The following UBE2J1 variants were observed in gnomAD, a reference collection of about 807,000 sequenced individuals.
The protein encoded by UBE2J1 is ubiquitin-conjugating enzyme E2 J1.
UBE2J1 carries 17 observed loss-of-function variants against 42.1 expected under a neutral mutation model. That is an observed-to-expected ratio of 0.40 (90% CI 0.28 to 0.61). The LOEUF (loss-of-function observed/expected upper bound fraction) is 0.61. UBE2J1 is among the 20% of genes least tolerant of loss of function. The probability of loss-of-function intolerance (pLI) is 0.38; values close to 1 mark genes in which losing one functional copy is unlikely to be tolerated. For missense variants in UBE2J1, 291 were observed against 389.4 expected (o/e 0.75, Z 2.13); for synonymous variants, 127 against 137.2 (o/e 0.93, Z 0.52).
At chr6:89,334,246 G>A (rs965502130) in intron 6 of UBE2J1, among the ~76,000 whole-genome samples, 23 of 151,980 alleles carry the variant, frequency 1.5e-4, no homozygotes, top group Admixed American at 6.6e-4. Context: ...CTCGTGATCT[G>A]CCTGTCTCGG....
chr6:89,341,525 C>T (rs1039380611), intron 3 of UBE2J1, among the ~76,000 whole-genome samples: 7 of 152,074 alleles, frequency 4.6e-5, no homozygotes, highest in African/African-American at 1.7e-4. Context: ...CTGCCTGAGG[C>T]CAGTAGTTCA....
At position 89,352,651 on chromosome 6, in the gene UBE2J1, C is replaced by A. The variant is rs905066374; in HGVS notation, c.-82G>T. The A allele has an allele frequency of 2.1e-6, 3 of 1,439,114 alleles. No homozygotes were observed. Among genetic ancestry groups the A allele is most frequent in the Non-Finnish European group, 2.7e-6 (3 of 1,091,650 alleles). The allele number at this position is 1,439,114 out of a possible 1,614,324, so 89.1% of individuals were successfully genotyped here. A position where few individuals can be genotyped will look rare whatever the true frequency, so the allele number is the denominator to read the frequency against. On this transcript the variant is annotated 5_prime_UTR_variant, in exon 1 of 8. Transcript: ENST00000435041. ...GGCCGCTGCCCGGGTCTCAGCGCGG[C>A]TCGGGCGGACGGGGCCTGGCCGAGG...
chr6:89,338,900 T>C (rs192245095), intron 3 of UBE2J1, among the ~76,000 whole-genome samples: 8,417 of 151,924 alleles, frequency 0.055, 277 homozygotes, highest in Middle Eastern at 0.12. Context: ...ATCCTGACCT[T>C]GTGATCTGCC....
rs1344872455 is a variant in UBE2J1, at chr6:89,327,173, A to T, written c.*2506T>A. ...GAAAAGTTTATTGGCTTAAACAGTT[A>T]CAGGTGAAACAGATTACGTATTTTT... is the stretch of plus-strand genomic sequence containing the variant. On this transcript the variant is annotated 3_prime_UTR_variant, in exon 8 of 8. Transcript: ENST00000435041. 1 of 145,830 alleles carries T rather than the reference A, an allele frequency of 6.9e-6. No individual in the cohort carries two copies. Among genetic ancestry groups the T allele is most frequent in the African/African-American group, 2.7e-5 (1 of 37,200 alleles). 9.0% of individuals were successfully genotyped at this position (145,830 alleles called of 1,614,324 possible).
intron 7 of UBE2J1, among the ~76,000 whole-genome samples, chr6:89,332,249 CA>C (rs1250815885): frequency 2.6e-5 from 4 of 152,124 alleles, no homozygotes; most frequent in African/African-American, 9.7e-5. Context: ...AATCTGTTAC[CA>C]AAAAGACTTC....
intron 1 of UBE2J1, among the ~76,000 whole-genome samples, chr6:89,351,227 C>A (rs541378926): frequency 6.6e-6 from 1 of 151,588 alleles, no homozygotes; most frequent in South Asian, 2.1e-4. Flanking sequence ...TACAGGAGTG[C>A]GCCACCACCA....
chr6:89,351,243 G>A (rs559871448), intron 1 of UBE2J1, among the ~76,000 whole-genome samples: 5 of 151,456 alleles, frequency 3.3e-5, no homozygotes, highest in Admixed American at 6.6e-5. Context: ...CACCATGCCC[G>A]GCTGATTTTT....
chr6:89,350,832 T>C (rs16881724), intron 1 of UBE2J1, among the ~76,000 whole-genome samples: 4,080 of 152,178 alleles, frequency 0.027, 212 homozygotes, highest in East Asian at 0.22. Context: ...AGTTCTCCAT[T>C]CTAAACTGCA....
intron 7 of UBE2J1, among the ~76,000 whole-genome samples, chr6:89,332,815 A>G (rs529461526): frequency 6.6e-6 from 1 of 152,350 alleles, no homozygotes; most frequent in African/African-American, 2.4e-5. Context: ...CTAACACTAT[A>G]TTAAAATTAA....
intron 1 of UBE2J1, among the ~76,000 whole-genome samples, chr6:89,349,080 T>A (rs1306048547): frequency 1.3e-5 from 2 of 152,044 alleles, no homozygotes; most frequent in African/African-American, 4.8e-5. Context: ...CTACAAAAAA[T>A]ACACAAATTA....
At chr6:89,333,614 A>C (rs1366967075) in intron 6 of UBE2J1, among the ~76,000 whole-genome samples, 1 of 152,218 alleles carries the variant, frequency 6.6e-6, no homozygotes, top group Non-Finnish European at 1.5e-5. Flanking sequence ...TTTGCTGAAG[A>C]AATCCTAATG....
At chr6:89,342,504 G>A in intron 2 of UBE2J1, 49 bp from the exon 3 acceptor site, 1 of 1,506,072 alleles carries the variant, frequency 6.6e-7, no homozygotes, top group Non-Finnish European at 8.9e-7. Context: ...TGAAAAGTTT[G>A]ATCATTTTAT....
At chr6:89,333,271 C>A (rs747859968) in intron 6 of UBE2J1, 66 bp from the exon 7 acceptor site, 25 of 1,517,236 alleles carry the variant, frequency 1.6e-5, no homozygotes, top group Non-Finnish European at 2.0e-5. Flanking sequence ...ACACAATCTA[C>A]AACCTGCTAA....
rs748441409 is a variant in UBE2J1 at position 89,335,377 on chromosome 6, C to A, written c.483G>T (p.Leu161Phe). The A allele has an allele frequency of 3.1e-6, 5 of 1,607,944 alleles. No homozygotes were observed. The highest frequency in any genetic ancestry group is 2.2e-5 in the East Asian group (1 of 44,696). Residue 161 changes from leucine to phenylalanine, a missense_variant, in exon 6 of 8, where the codon TTG becomes TTT. Transcript: ENST00000435041. ...GCGSAMKDVL[L>F]PLKSGSDSSQ... Reference sequence around the variant, plus strand: ...TTGAATCGCTTCCAGATTTTAAAGGCAACAGGACATCCTTCATGGCAGAGC... The same window carrying A: ...TTGAATCGCTTCCAGATTTTAAAGGAAACAGGACATCCTTCATGGCAGAGC...
At chr6:89,347,356 C>T (rs559835040) in intron 1 of UBE2J1, among the ~76,000 whole-genome samples, 13 of 152,194 alleles carry the variant, frequency 8.5e-5, no homozygotes, top group African/African-American at 1.2e-4. Flanking sequence ...CTTCATTCCT[C>T]GTCAACTGGC....
At chr6:89,338,107 A>G (rs1288273751) in intron 5 of UBE2J1, 98 bp downstream of exon 5, 3 of 760,442 alleles carry the variant, frequency 3.9e-6, no homozygotes, top group East Asian at 5.2e-5. Context: ...ACAGTCACTC[A>G]GAAAATAAGT....
intron 7 of UBE2J1, among the ~76,000 whole-genome samples, chr6:89,332,254 A>C (rs1768023656): frequency 6.6e-6 from 1 of 152,232 alleles, no homozygotes; most frequent in Non-Finnish European, 1.5e-5. Context: ...GTTACCAAAA[A>C]GACTTCCAAA....
intron 1 of UBE2J1, among the ~76,000 whole-genome samples, chr6:89,344,428 C>T (rs1768318865): frequency 6.6e-6 from 1 of 152,184 alleles, no homozygotes; most frequent in Non-Finnish European, 1.5e-5. Context: ...CCACTGACCC[C>T]ACAACTTTCT....
rs16881709 is a variant in UBE2J1, at chr6:89,331,942, T to C, written c.678+1144A>G. On this transcript the variant is annotated intron_variant, in intron 7 of 7. Transcript: ENST00000435041. ...TTCCCCTGCAATTCATAAAATTACA[T>C]TGGGATCACACAAAAATGATTTAAA... 1.0e-2 allele frequency among the ~76,000 whole-genome samples: 1,517 copies of C among 152,320 alleles called. 20 individuals are homozygous for C. The highest frequency in any genetic ancestry group is 0.034 in the African/African-American group (1,412 of 41,576).
Sources: gnomAD v4.1 joint callset for allele counts (sites outside exome capture counted in the v4.1 genomes callset) on GRCh38, gnomAD v4.1.1 for gene constraint, MANE v1.5 for transcripts, NCBI Gene and HGNC (gene_info 2026-07-23, HGNC 2026-07-21) for gene names.